XRN1: variants seen among roughly 807,000 people sequenced by gnomAD.
XRN1 encodes strand-exchange protein 1 homolog.
Under a neutral mutation model 222.3 loss-of-function variants are expected in XRN1, and 67 were observed. The observed-to-expected ratio is 0.30, with a 90% CI of 0.25 to 0.37. The LOEUF is 0.37. Ranked by LOEUF, XRN1 falls within the 10% of genes least tolerant of loss-of-function variation. XRN1 has a pLI of 1.00. For synonymous variants in XRN1, 643 were observed against 652.4 expected (o/e 0.99, Z 0.22); for missense variants, 1,707 against 2,000.2 (o/e 0.85, Z 2.80).
chr3:142,355,226 C>T, intron 32 of XRN1, 175 bp downstream of exon 32: 1 of 366,480 alleles, frequency 2.7e-6, no homozygotes, highest in Non-Finnish European at 4.8e-6. Flanking sequence ...ATCTCCTGAA[C>T]CTAAAACAAA....
intron 25 of XRN1, among the ~76,000 whole-genome samples, chr3:142,372,325 G>T (rs2067012781): frequency 6.6e-6 from 1 of 152,162 alleles, no homozygotes; most frequent in Non-Finnish European, 1.5e-5. Flanking sequence ...GAAGCATAAG[G>T]TCTCTAGAAA....
rs1193003329 is a variant in XRN1, at chr3:142,425,249, G to A, written c.600C>T (p.His200=). 2 of 1,600,212 alleles carry A rather than the reference G, an allele frequency of 1.2e-6. No homozygotes were observed. The highest frequency in any genetic ancestry group is 1.7e-6 in the Non-Finnish European group (2 of 1,174,096). The change falls in exon 5 of 41, where the codon CAC becomes CAT. Residue 200 remains histidine, a synonymous_variant. Coordinates refer to ENST00000392981, the MANE Select transcript of XRN1 (RefSeq NM_001282857.2). ...AKPDHDPNTR[H]CLYGLDADLI... The stretch of plus-strand genomic sequence containing the variant: ...AGTCAGCATCTAAACCATAAAGACA[G>A]TGTCTGGTGTTTGGATCATGATCTG...
intron 39 of XRN1, among the ~76,000 whole-genome samples, chr3:142,315,638 AG>A (rs1365750143): frequency 6.6e-6 from 1 of 151,342 alleles, no homozygotes; most frequent in Non-Finnish European, 1.5e-5. Flanking sequence ...CCTCCTGAGT[AG>A]CTGGGACTAC....
rs531495162 is a variant in XRN1, at chr3:142,349,565, T to C, written c.3769-2223A>G. On this transcript the variant is annotated intron_variant, in intron 32 of 40. Transcript: ENST00000392981. ...CTAACTCCAAAATCCATGTTCACAG[T>C]ACTACTTCAGAGAAAAGGTAAGCCA... Among the ~76,000 whole-genome samples, 7 of 152,230 alleles carry C rather than the reference T, an allele frequency of 4.6e-5. No individual in the cohort carries two copies. The East Asian group carries it at 1.3e-3, about 29-fold the overall frequency.
chr3:142,396,406 A>AC (rs1284011621), intron 20 of XRN1, among the ~76,000 whole-genome samples: 1 of 152,222 alleles, frequency 6.6e-6, no homozygotes, highest in Non-Finnish European at 1.5e-5. Context: ...ATCTAAAGAA[A>AC]GAGTTATTAA....
chr3:142,411,818 GA>G (rs893227037), intron 15 of XRN1, among the ~76,000 whole-genome samples: 4 of 150,292 alleles, frequency 2.7e-5, no homozygotes, highest in African/African-American at 9.8e-5. Context: ...TATACTTACT[GA>G]AAATTTTTTT....
chr3:142,332,454 A>T lies in XRN1; in HGVS notation c.4143T>A (p.Ile1381=), dbSNP rs1560296338. ...TAGAGGAAACAGGGATTTCATTAGC[A>T]ATCTGTTTGATTTCATTCTTATGGT... ...TVDHKNEIKQ[I]ANEIPVSSNR... is the part of the protein sequence containing the mutation. Residue 1381 remains isoleucine, a synonymous_variant, in exon 36 of 41, where the codon ATT becomes ATA. Coordinates refer to ENST00000392981, the MANE Select transcript of XRN1 (RefSeq NM_001282857.2). 12 of 1,613,204 alleles carry T rather than the reference A, an allele frequency of 7.4e-6. No individual in the cohort carries two copies. The highest frequency in any genetic ancestry group is 1.0e-5 in the Non-Finnish European group (12 of 1,179,470).
intron 5 of XRN1, among the ~76,000 whole-genome samples, chr3:142,424,310 G>A (rs189593608): frequency 5.6e-4 from 85 of 152,220 alleles, no homozygotes; most frequent in Non-Finnish European, 1.0e-3. Flanking sequence ...TGGCCAGGCT[G>A]GTCTTGAACT....
At chr3:142,436,023 G>A (rs2069887214) in intron 1 of XRN1, 1 of 140,426 alleles carries the variant, frequency 7.1e-6, no homozygotes, top group Non-Finnish European at 1.5e-5. Context: ...TCGTGCCGCT[G>A]CACTCCAGCC....
intron 15 of XRN1, 142 bp from the exon 16 acceptor site, chr3:142,405,218 C>T: frequency 2.8e-6 from 2 of 720,980 alleles, no homozygotes; most frequent in East Asian, 2.7e-5. Flanking sequence ...ACTAATGAAA[C>T]TCTTCCATTT....
intron 39 of XRN1, among the ~76,000 whole-genome samples, chr3:142,318,263 TA>T (rs60945210): frequency 0.38 from 57,633 of 151,972 alleles, 10,958 homozygotes; most frequent in Middle Eastern, 0.47. Flanking sequence ...ATTTTGGACA[TA>T]GTCTACTACC....
chr3:142,388,003 C>G (rs1227280248), intron 20 of XRN1, among the ~76,000 whole-genome samples: 1 of 152,208 alleles, frequency 6.6e-6, no homozygotes, highest in Non-Finnish European at 1.5e-5. Context: ...TGCCATACTT[C>G]TTGTGCAGTC....
chr3:142,351,671 A>G (rs549511362), intron 32 of XRN1, among the ~76,000 whole-genome samples: 12 of 152,144 alleles, frequency 7.9e-5, no homozygotes, highest in African/African-American at 2.6e-4. Context: ...CAAATCCAAC[A>G]ACAGTTTTCT....
intron 33 of XRN1, among the ~76,000 whole-genome samples, chr3:142,341,441 T>C (rs555205523): frequency 5.3e-4 from 79 of 149,704 alleles, no homozygotes; most frequent in Non-Finnish European, 8.6e-4. Context: ...CACTTGTCAA[T>C]AATAACAAAA....
At chr3:142,446,933 CAAT>C (rs1349906020) in intron 1 of XRN1, among the ~76,000 whole-genome samples, 3 of 152,166 alleles carry the variant, frequency 2.0e-5, no homozygotes, top group Non-Finnish European at 4.4e-5. Context: ...AGGCTATTTA[CAAT>C]ACTACCCATC....
chr3:142,393,833 CT>C (rs112990407), intron 20 of XRN1, among the ~76,000 whole-genome samples: 625 of 144,710 alleles, frequency 4.3e-3, no homozygotes, highest in African/African-American at 9.2e-3. Context: ...TCTCCCAGAC[CT>C]TTTTTTTTTT....
intron 37 of XRN1, among the ~76,000 whole-genome samples, chr3:142,322,982 G>A (rs1367055001): frequency 6.6e-6 from 1 of 152,092 alleles, no homozygotes; most frequent in Admixed American, 6.6e-5. Flanking sequence ...CAGCCTGGGT[G>A]ACAGAGCGAG....
At chr3:142,317,701 CCT>C (rs1245070864) in intron 39 of XRN1, among the ~76,000 whole-genome samples, 1 of 152,098 alleles carries the variant, frequency 6.6e-6, no homozygotes, top group African/African-American at 2.4e-5. Flanking sequence ...TCAACCAATC[CCT>C]CTCTTTTCAG....
intron 37 of XRN1, 101 bp downstream of exon 37, chr3:142,329,333 A>AAAT (rs1205642909): frequency 1.2e-5 from 10 of 826,430 alleles, no homozygotes; most frequent in Non-Finnish European, 1.7e-5. Flanking sequence ...AAGTTAAGAA[A>AAAT]AATAGGCCCC....
Sources: allele counts gnomAD v4.1 joint callset (sites outside exome capture counted in the v4.1 genomes callset), GRCh38; gene constraint gnomAD v4.1.1; transcripts MANE v1.5; gene names NCBI Gene and HGNC (gene_info 2026-07-23, HGNC 2026-07-21).